DNAJC2: variants seen among roughly 807,000 people sequenced by gnomAD.
DNAJC2 encodes the protein DnaJ heat shock protein family (Hsp40) member C2.
In DNAJC2, 32 loss-of-function variants were observed where a neutral mutation model predicts 94.0. The observed-to-expected ratio is 0.34, with a 90% CI of 0.26 to 0.46. The LOEUF is 0.46. DNAJC2 is among the 20% of genes least tolerant of loss of function. The pLI, the probability that DNAJC2 is intolerant of heterozygous loss-of-function variation, is 1.00. For synonymous variants in DNAJC2, 210 were observed against 229.7 expected, an observed-to-expected ratio of 0.91 and a Z score of 0.77; for missense variants, 550 against 719.5, an observed-to-expected ratio of 0.76 and a Z score of 2.69.
intron 4 of DNAJC2, 40 bp downstream of exon 4, chr7:103,327,616 A>G (rs374480562): frequency 9.6e-5 from 124 of 1,296,520 alleles, no homozygotes; most frequent in Non-Finnish European, 1.2e-4. Flanking sequence ...ATAAATAACA[A>G]TTACTATTAG....
intron 12 of DNAJC2, chr7:103,317,369 C>CA (rs1457965142): frequency 5.0e-6 from 1 of 201,248 alleles, no homozygotes; most frequent in African/African-American, 2.3e-5. Flanking sequence ...TTTCTGCAGA[C>CA]AATCTCATTT....
chr7:103,330,683 C>T (rs1249014362), intron 3 of DNAJC2, among the ~76,000 whole-genome samples: 2 of 151,588 alleles, frequency 1.3e-5, no homozygotes, highest in Non-Finnish European at 2.9e-5. Context: ...AACTCCTGAC[C>T]TCGTGATCTG....
At chr7:103,324,679 C>G in intron 5 of DNAJC2, 117 bp from the exon 6 acceptor site, 1 of 958,298 alleles carries the variant, frequency 1.0e-6, no homozygotes, top group Non-Finnish European at 1.4e-6. Context: ...TTTCCCTTCC[C>G]TACAAACTCT....
In DNAJC2 at chr7:103,312,300, C is replaced by T. The variant is rs779781796; in HGVS notation, c.*269G>A. 7 of 1,605,758 alleles carry T rather than the reference C, an allele frequency of 4.4e-6. No individual in the cohort carries two copies. The African/African-American group carries it at 5.3e-5, about 12-fold the overall frequency. On this transcript the variant is annotated 3_prime_UTR_variant, in exon 17 of 17. Coordinates refer to ENST00000379263, the MANE Select transcript of DNAJC2 (RefSeq NM_014377.3). Reference sequence around the variant, plus strand: ...GCTCCTAATCAAGATTGTTTGAACACATGTATTTATAAAACAGAGCTAGAG... The same window carrying T: ...GCTCCTAATCAAGATTGTTTGAACATATGTATTTATAAAACAGAGCTAGAG...
rs535964721 is a variant in DNAJC2 at position 103,316,820 on chromosome 7, A to G, written c.1427+10T>C. On this transcript the variant is annotated intron_variant, in intron 13 of 16. Transcript: ENST00000379263. ...TGTGAGTTGAAGAAAAGTTTCATTA[A>G]AACCAGTACCTTGAATTTGTTCCAG... is the stretch of plus-strand genomic sequence containing the variant. The G allele has an allele frequency of 6.2e-7, 1 of 1,609,440 alleles. No homozygotes were observed. The highest frequency in any genetic ancestry group is 1.7e-5 in the Admixed American group (1 of 59,280).
In DNAJC2 at chr7:103,323,773, TA is replaced by T. The variant is rs1394070571; in HGVS notation, c.654-111del. 26 of 847,942 alleles carry T rather than the reference TA, an allele frequency of 3.1e-5. No homozygotes were observed. In the East Asian group the frequency reaches 9.9e-4, roughly 32 times the overall value. 52.5% of individuals were successfully genotyped at this position (847,942 alleles called of 1,614,324 possible). ...ATGGATACCTTTCCTTCCCTTCTAG[TA>T]TTGAACTAAGGTCAAGTCTTTCTCC... On this transcript the variant is annotated intron_variant, in intron 6 of 16. Transcript: ENST00000379263.
chr7:103,321,649 A>G (rs1163317660), intron 10 of DNAJC2, among the ~76,000 whole-genome samples: 4 of 151,960 alleles, frequency 2.6e-5, no homozygotes, highest in African/African-American at 9.7e-5. Flanking sequence ...GGAGTACAAG[A>G]CCAGCTTTGC....
At chr7:103,337,221 T>A (rs1819207684) in intron 3 of DNAJC2, 1 of 153,164 alleles carries the variant, frequency 6.5e-6, no homozygotes, top group South Asian at 2.0e-4. Context: ...TTATAAGGCA[T>A]ATGAAGACTG....
At position 103,341,950 on chromosome 7, in the gene DNAJC2, A is replaced by G; in HGVS notation, c.69T>C (p.Ser23=). 1 of 1,579,478 alleles carries G rather than the reference A, an allele frequency of 6.3e-7. No individual in the cohort carries two copies. Among genetic ancestry groups the G allele is most frequent in the Non-Finnish European group, 8.6e-7 (1 of 1,164,784 alleles). The change falls in exon 2 of 17, where the codon TCT becomes TCC. Residue 23 remains serine (S), a synonymous_variant. Coordinates refer to ENST00000379263, the MANE Select transcript of DNAJC2 (RefSeq NM_014377.3). ...CCACAGGTTCAACTTGACAGAGTGT[A>G]GAGGCTGTGATTGAAAGTGTTAAGA... is the stretch of plus-strand genomic sequence containing the variant. The part of the protein sequence containing the change: ...TAITHALTSA[S]TLCQVEPVGR...
At position 103,323,631 on chromosome 7, in the gene DNAJC2, TAAGAA is replaced by T. The variant is rs1363964000; in HGVS notation, c.681_685del (p.Phe227LeufsTer4). The T allele has an allele frequency of 6.8e-7, 1 of 1,460,538 alleles. No homozygotes were observed. The highest frequency in any genetic ancestry group is 9.3e-7 in the Non-Finnish European group (1 of 1,071,262). The allele number at this position is 1,460,538 out of a possible 1,614,324, so 90.5% of individuals were successfully genotyped here. A position where few individuals can be genotyped will look rare whatever the true frequency, so the allele number is the denominator to read the frequency against. ...TTTTTCTTTTTCTTCTTCATCTAAA[TAAGAA>T]AATTCTCTCCAAGAATCAAAATTAT... On this transcript the variant is annotated frameshift_variant, in exon 7 of 17. Coordinates refer to ENST00000379263, the MANE Select transcript of DNAJC2 (RefSeq NM_014377.3). LOFTEE classifies it high-confidence loss of function.
intron 12 of DNAJC2, chr7:103,317,386 T>C (rs1818128647): frequency 5.6e-6 from 1 of 179,572 alleles, no homozygotes; most frequent in East Asian, 1.5e-4. Context: ...ATTTATTCTC[T>C]ACCAAAAGGT....
chr7:103,332,858 A>T (rs1819027949), intron 3 of DNAJC2, among the ~76,000 whole-genome samples: 1 of 152,172 alleles, frequency 6.6e-6, no homozygotes, highest in Non-Finnish European at 1.5e-5. Context: ...TACAGAGCTC[A>T]AACAATCCAC....
intron 15 of DNAJC2, chr7:103,313,539 C>A: frequency 1.0e-6 from 1 of 983,186 alleles, no homozygotes; most frequent in Non-Finnish European, 1.2e-6. Flanking sequence ...TGGATAGAAA[C>A]CCTGGAAATC....
chr7:103,323,221 C>T (rs575792051), intron 7 of DNAJC2, among the ~76,000 whole-genome samples: 3 of 152,166 alleles, frequency 2.0e-5, no homozygotes, highest in South Asian at 2.1e-4. Context: ...TGAGCCAGCA[C>T]GCCCGGCCTA....
At position 103,319,304 on chromosome 7, in the gene DNAJC2, T is replaced by G. The variant is rs978690014; in HGVS notation, c.1242+305A>C. On this transcript the variant is annotated intron_variant, in intron 12 of 16. Transcript: ENST00000379263. ...ATACAAAAATTAGCCAGGTGTGGTG[T>G]TGTGCGCCTATAATCCCAGTTACTC... 6.6e-5 allele frequency among the ~76,000 whole-genome samples: 10 copies of G among 151,966 alleles called. 1 individual carries two copies. Among genetic ancestry groups the G allele is most frequent in the Admixed American group, 1.3e-4 (2 of 15,268 alleles).
At chr7:103,337,193 G>A (rs1819206818) in intron 3 of DNAJC2, 1 of 152,662 alleles carries the variant, frequency 6.6e-6, no homozygotes, top group Admixed American at 6.5e-5. Context: ...ACATTTAGGA[G>A]CATTAAGGGA....
chr7:103,316,781 T>C (rs765175057), intron 13 of DNAJC2, 49 bp downstream of exon 13: 4 of 1,479,686 alleles, frequency 2.7e-6, no homozygotes, highest in Non-Finnish European at 3.7e-6. Flanking sequence ...GTCTACATTA[T>C]CTCCAGGCTC....
At position 103,331,010 on chromosome 7, in the gene DNAJC2, A is replaced by G. The variant is rs192267603; in HGVS notation, c.332-3256T>C. On this transcript the variant is annotated intron_variant, in intron 3 of 16. Transcript: ENST00000379263. ...GTCTCACTCTGTTGGCCAGGCTGGC[A>G]TGCAATGGCACAATCTTGGCTCACT... 3.8e-3 allele frequency among the ~76,000 whole-genome samples: 574 copies of G among 151,260 alleles called. 4 individuals are homozygous for G. The highest frequency in any genetic ancestry group is 0.014 in the African/African-American group (565 of 41,190).
At chr7:103,319,058 A>T (rs1327433584) in intron 12 of DNAJC2, among the ~76,000 whole-genome samples, 4 of 152,188 alleles carry the variant, frequency 2.6e-5, no homozygotes, top group Admixed American at 6.5e-5. Context: ...GTAAAAATAC[A>T]AAAATCAGCC....
Sources: gnomAD v4.1 joint callset for allele counts (sites outside exome capture counted in the v4.1 genomes callset) on GRCh38, gnomAD v4.1.1 for gene constraint, MANE v1.5 for transcripts, NCBI Gene and HGNC (gene_info 2026-07-23, HGNC 2026-07-21) for gene names.